The following TEK variants were observed in gnomAD, a reference collection of about 807,000 sequenced individuals.
TEK encodes the protein angiopoietin-1 receptor.
A neutral mutation model predicts 131.8 loss-of-function variants in TEK; 43 were observed. That is an observed-to-expected ratio of 0.33 (90% CI 0.26 to 0.42). The LOEUF (loss-of-function observed/expected upper bound fraction) is 0.42, where lower values mean the gene tolerates loss of function less well. TEK is among the 10% of genes least tolerant of loss of function. The pLI, the probability that TEK is intolerant of heterozygous loss-of-function variation, is 1.00. For missense variants in TEK, 1,162 were observed against 1,384.4 expected, an observed-to-expected ratio of 0.84 and a Z score of 2.55; for synonymous variants, 580 against 491.6, an observed-to-expected ratio of 1.18 and a Z score of -2.38.
At chr9:27,112,809 G>A (rs1316961787) in intron 1 of TEK, among the ~76,000 whole-genome samples, 2 of 152,186 alleles carry the variant, frequency 1.3e-5, no homozygotes, top group Non-Finnish European at 2.9e-5. Flanking sequence ...TTTCAAAATA[G>A]GTAAATGTCT....
rs778457323 is a variant in TEK at position 27,157,900 on chromosome 9, C to T, written c.122C>T (p.Ser41Phe). The change falls in exon 2 of 23, where the codon TCT (serine) becomes TTT (phenylalanine). Residue 41 changes from serine to phenylalanine, a missense_variant. Ser to Phe is a radical substitution (Grantham distance 155, BLOSUM62 -2). This residue lies in a region of TEK where 436 missense variants were observed against 539.1 expected (regional missense o/e 0.81). Coordinates refer to ENST00000380036, the MANE Select transcript of TEK (RefSeq NM_000459.5). Reference sequence around the variant, plus strand: ...CCTCTTGTATCTGATGCTGAAACATCTCTCACCTGCATTGCCTCTGGGTGG... The same window carrying T: ...CCTCTTGTATCTGATGCTGAAACATTTCTCACCTGCATTGCCTCTGGGTGG... The part of the protein sequence containing the change: ...SLPLVSDAET[S>F]LTCIASGWRP... 17 of 1,613,968 alleles carry T rather than the reference C, an allele frequency of 1.1e-5. No individual in the cohort carries two copies. The highest frequency in any genetic ancestry group is 9.3e-6 in the Non-Finnish European group (11 of 1,180,018).
chr9:27,207,786 T>G (rs372576597), intron 15 of TEK, among the ~76,000 whole-genome samples: 13 of 152,334 alleles, frequency 8.5e-5, no homozygotes, highest in African/African-American at 3.1e-4. Context: ...ATCTATGAAT[T>G]ACCTCTAAAT....
intron 2 of TEK, among the ~76,000 whole-genome samples, chr9:27,162,933 C>T (rs1222966200): frequency 6.6e-6 from 1 of 152,132 alleles, no homozygotes; most frequent in Non-Finnish European, 1.5e-5. Context: ...CCGGGGTGGT[C>T]TCCATCTCCC....
chr9:27,163,994 T>C (rs1358461377), intron 2 of TEK, among the ~76,000 whole-genome samples: 1 of 152,216 alleles, frequency 6.6e-6, no homozygotes, highest in African/African-American at 2.4e-5. Context: ...CCAAATGATC[T>C]TAAGCAAGTT....
rs1279116842 is a variant in TEK, at chr9:27,185,536, C to T, written c.1234C>T (p.His412Tyr). The change falls in exon 9 of 23, where the codon CAC (histidine) becomes TAC (tyrosine). Residue 412 changes from histidine to tyrosine, a missense_variant. His to Tyr is a moderately conservative substitution (Grantham distance 83). Around this residue, in one of 6 missense-constraint regions of TEK, gnomAD observed 436 missense variants for 539.1 expected, o/e 0.81. Transcript: ENST00000380036. ...TTTCTCAGTAGCCATATTCACCATC[C>T]ACCGGATCCTCCCCCCTGACTCAGG... ...DHFSVAIFTIHRILPPDSGVW... is the reference protein window; with the variant it reads ...DHFSVAIFTIYRILPPDSGVW... 5 of 1,613,798 alleles carry T rather than the reference C, an allele frequency of 3.1e-6. No individual in the cohort carries two copies. The highest frequency in any genetic ancestry group is 4.2e-6 in the Non-Finnish European group (5 of 1,179,796).
At chr9:27,188,388 A>T (rs1824677412) in intron 9 of TEK, among the ~76,000 whole-genome samples, 1 of 152,240 alleles carries the variant, frequency 6.6e-6, no homozygotes, top group Admixed American at 6.5e-5. Flanking sequence ...GGCAAAAAAT[A>T]AAATAGTAGA....
intron 1 of TEK, among the ~76,000 whole-genome samples, chr9:27,117,784 C>T (rs981549918): frequency 6.6e-6 from 1 of 152,204 alleles, no homozygotes; most frequent in Non-Finnish European, 1.5e-5. Flanking sequence ...GTCACAGCCC[C>T]TTGCCCAGGG....
rs149632933 is a variant in TEK at position 27,184,780 on chromosome 9, G to A, written c.1183-705G>A. ...AGGCCAGATACGGTGACTCATGCCT[G>A]CAATCCCAGTGCTTTGGAAGCCTGA... On this transcript the variant is annotated intron_variant, in intron 8 of 22. Coordinates refer to ENST00000380036, the MANE Select transcript of TEK (RefSeq NM_000459.5). 3.4e-3 allele frequency among the ~76,000 whole-genome samples: 510 copies of A among 152,236 alleles called. 2 individuals are homozygous for A. Among genetic ancestry groups the A allele is most frequent in the Non-Finnish European group, 5.1e-3 (345 of 68,014 alleles).
intron 2 of TEK, 24 bp downstream of exon 2, chr9:27,158,166 C>A (rs472647): frequency 1.9e-6 from 3 of 1,612,364 alleles, no homozygotes; most frequent in South Asian, 1.1e-5. Context: ...AAGTTTTGGG[C>A]AGGTGAGGCC....
chr9:27,214,376 T>A (rs967637966), intron 18 of TEK, among the ~76,000 whole-genome samples: 2 of 152,216 alleles, frequency 1.3e-5, no homozygotes, highest in Non-Finnish European at 2.9e-5. Flanking sequence ...TCTACTCTGG[T>A]GGATGGCTCT....
At chr9:27,175,919 T>G (rs920192302) in intron 6 of TEK, among the ~76,000 whole-genome samples, 10 of 152,286 alleles carry the variant, frequency 6.6e-5, no homozygotes, top group African/African-American at 2.4e-4. Context: ...TTGTGAAAAT[T>G]TTCTCCCATT....
chr9:27,208,010 G>C (rs1191943508), intron 15 of TEK, among the ~76,000 whole-genome samples: 1 of 152,062 alleles, frequency 6.6e-6, no homozygotes, highest in African/African-American at 2.4e-5. Context: ...TCTTATGAAG[G>C]CAGTTTTTAT....
chr9:27,151,877 A>T (rs996963924), intron 1 of TEK, among the ~76,000 whole-genome samples: 1 of 152,216 alleles, frequency 6.6e-6, no homozygotes, highest in African/African-American at 2.4e-5. Flanking sequence ...GACAGCAAAA[A>T]CAAAAAACCT....
At chr9:27,143,782 T>C (rs1211241058) in intron 1 of TEK, among the ~76,000 whole-genome samples, 2 of 152,208 alleles carry the variant, frequency 1.3e-5, no homozygotes, top group Non-Finnish European at 2.9e-5. Flanking sequence ...TATAGGATCA[T>C]GGCCTGTCAT....
In TEK at chr9:27,116,925, G is replaced by T. The variant is rs541973576; in HGVS notation, c.52+7283G>T. Among the ~76,000 whole-genome samples, 7 of 147,696 alleles carry T rather than the reference G, an allele frequency of 4.7e-5. No homozygotes were observed. The South Asian group carries it at 1.5e-3, about 32-fold the overall frequency. ...CCCCCAGGCTGGAGTGCAGTGGTGC[G>T]ATCTCGGCTCACTGCAAGCTCCGCT... is the stretch of plus-strand genomic sequence containing the variant. On this transcript the variant is annotated intron_variant, in intron 1 of 22. Transcript: ENST00000380036.
intron 21 of TEK, among the ~76,000 whole-genome samples, chr9:27,222,555 G>GTATTCAACATTCTTAAGAGAAGAAT (rs1826129288): frequency 6.6e-6 from 1 of 152,188 alleles, no homozygotes; most frequent in East Asian, 1.9e-4. Flanking sequence ...GTGGGGGCCA[G>GTATTCAACATTCTTAAGAGAAGAAT]TATTCAACAT....
Position 27,124,730 on chromosome 9 carries a change from T to C in TEK, c.52+15088T>C, listed in dbSNP as rs10967727. On this transcript the variant is annotated intron_variant, in intron 1 of 22. Coordinates refer to ENST00000380036, the MANE Select transcript of TEK (RefSeq NM_000459.5). ...TGATAGTACCTACCTCATGGGTTTT[T>C]TTTGGAGGGAGGAGCAAGTAATTCA... is the stretch of plus-strand genomic sequence containing the variant. 4.0e-4 allele frequency among the ~76,000 whole-genome samples: 61 copies of C among 152,356 alleles called. No homozygotes were observed. In the East Asian group the frequency reaches 0.012, roughly 29 times the overall value.
chr9:27,226,048 T>G (rs1398374592), intron 21 of TEK, among the ~76,000 whole-genome samples: 1 of 152,114 alleles, frequency 6.6e-6, no homozygotes, highest in Non-Finnish European at 1.5e-5. Flanking sequence ...TTCACACCAG[T>G]TAGAATAGCA....
chr9:27,124,161 A>C (rs991739508), intron 1 of TEK, among the ~76,000 whole-genome samples: 14 of 152,270 alleles, frequency 9.2e-5, no homozygotes, highest in Non-Finnish European at 1.8e-4. Flanking sequence ...CTGAGCTTGC[A>C]TCCCAGCCTT....
Sources: gnomAD v4.1 joint callset for allele counts (sites outside exome capture counted in the v4.1 genomes callset) on GRCh38, gnomAD v4.1.1 for gene constraint, gnomAD v4.1.1 regional missense constraint, MANE v1.5 for transcripts, NCBI Gene and HGNC (gene_info 2026-07-23, HGNC 2026-07-21) for gene names.